Variants in ARNT2 observed in about 807,000 individuals in gnomAD.
ARNT2 encodes the protein aryl hydrocarbon receptor nuclear translocator 2.
Under a neutral mutation model 91.7 loss-of-function variants are expected in ARNT2, and 36 were observed. The observed-to-expected ratio is 0.39, with a 90% CI of 0.30 to 0.52. The LOEUF is 0.52. ARNT2 is among the 20% of genes least tolerant of loss of function. ARNT2 has a pLI of 0.72. For synonymous variants in ARNT2, 365 were observed against 347.1 expected (o/e 1.05, Z -0.57); for missense variants, 775 against 939.3 (o/e 0.83, Z 2.29).
At chr15:80,518,102 C>A (rs1595994907) in intron 8 of ARNT2, among the ~76,000 whole-genome samples, 1 of 151,932 alleles carries the variant, frequency 6.6e-6, no homozygotes, top group East Asian at 1.9e-4. Flanking sequence ...ATAATAGGAA[C>A]TGAGGTAACT....
At chr15:80,469,507 AAT>A (rs1382022712) in intron 3 of ARNT2, among the ~76,000 whole-genome samples, 1 of 150,416 alleles carries the variant, frequency 6.6e-6, no homozygotes, top group Non-Finnish European at 1.5e-5. Flanking sequence ...TATTATTTAT[AAT>A]ATATTACATA....
At chr15:80,505,067 A>G (rs1897255086) in intron 5 of ARNT2, among the ~76,000 whole-genome samples, 1 of 152,182 alleles carries the variant, frequency 6.6e-6, no homozygotes, top group Non-Finnish European at 1.5e-5. Flanking sequence ...CGATCATTTG[A>G]TCTAAGCCTG....
At chr15:80,457,628 A>G (rs1896499323) in intron 2 of ARNT2, among the ~76,000 whole-genome samples, 1 of 152,208 alleles carries the variant, frequency 6.6e-6, no homozygotes, top group South Asian at 2.1e-4. Flanking sequence ...AGAGCAATCC[A>G]TTGTCTGCTA....
At chr15:80,508,020 C>A in intron 5 of ARNT2, 136 bp from the exon 6 acceptor site, 1 of 748,884 alleles carries the variant, frequency 1.3e-6, no homozygotes, top group Non-Finnish European at 2.2e-6. Flanking sequence ...GTTGGGAATT[C>A]CAAGACACAA....
intron 5 of ARNT2, among the ~76,000 whole-genome samples, chr15:80,505,886 G>A (rs1897265105): frequency 2.7e-5 from 4 of 150,056 alleles, no homozygotes. Context: ...TCCAAGAGAG[G>A]TCTGGCTGTG....
At chr15:80,589,365 T>C (rs1753336875) in intron 17 of ARNT2, among the ~76,000 whole-genome samples, 1 of 151,984 alleles carries the variant, frequency 6.6e-6, no homozygotes, top group Non-Finnish European at 1.5e-5. Context: ...GGGGTGGCTG[T>C]AAATGTTGAT....
At chr15:80,447,083 C>A (rs1595966673) in intron 1 of ARNT2, among the ~76,000 whole-genome samples, 1 of 152,064 alleles carries the variant, frequency 6.6e-6, no homozygotes, top group Non-Finnish European at 1.5e-5. Context: ...ACAGGAATAG[C>A]CAAGTTTAAC....
chr15:80,511,099 C>T (rs1005668443), intron 6 of ARNT2, among the ~76,000 whole-genome samples: 1 of 152,032 alleles, frequency 6.6e-6, no homozygotes, highest in Non-Finnish European at 1.5e-5. Flanking sequence ...CAGCACTATT[C>T]ACAATAGCAA....
chr15:80,493,214 A>C (rs1408073346), intron 5 of ARNT2, among the ~76,000 whole-genome samples: 1 of 152,190 alleles, frequency 6.6e-6, no homozygotes, highest in Non-Finnish European at 1.5e-5. Flanking sequence ...ACATTAAACT[A>C]TTCATGAGGG....
At chr15:80,496,302 C>G (rs1897125747) in intron 5 of ARNT2, among the ~76,000 whole-genome samples, 1 of 152,192 alleles carries the variant, frequency 6.6e-6, no homozygotes, top group Admixed American at 6.5e-5. Flanking sequence ...GCACCCTTCT[C>G]CCTGCTCCCA....
intron 8 of ARNT2, among the ~76,000 whole-genome samples, chr15:80,533,652 G>C (rs757144870): frequency 6.6e-6 from 1 of 152,242 alleles, no homozygotes; most frequent in Non-Finnish European, 1.5e-5. Context: ...ACAACTGAAA[G>C]TTGAAAATAA....
intron 6 of ARNT2, among the ~76,000 whole-genome samples, chr15:80,509,590 G>A (rs1897315907): frequency 6.6e-6 from 1 of 152,178 alleles, no homozygotes; most frequent in Non-Finnish European, 1.5e-5. Flanking sequence ...GAGTGCTATG[G>A]AGGAAACATA....
intron 5 of ARNT2, among the ~76,000 whole-genome samples, chr15:80,501,468 G>T (rs923953592): frequency 2.6e-5 from 4 of 152,226 alleles, no homozygotes; most frequent in African/African-American, 9.6e-5. Context: ...TTCACTTAAA[G>T]TGTTCGTGTG....
chr15:80,470,118 C>T, intron 3 of ARNT2, 100 bp from the exon 4 acceptor site: 1 of 1,248,126 alleles, frequency 8.0e-7, no homozygotes, highest in Non-Finnish European at 1.1e-6. Flanking sequence ...CCCCTAGTTC[C>T]TGGTCATTTG....
intron 1 of ARNT2, among the ~76,000 whole-genome samples, chr15:80,442,576 A>G (rs1165735850): frequency 6.6e-6 from 1 of 152,252 alleles, no homozygotes; most frequent in Non-Finnish European, 1.5e-5. Context: ...CCTCTGCAAA[A>G]GGAAATAATG....
chr15:80,446,233 C>T (rs1896301977), intron 1 of ARNT2, among the ~76,000 whole-genome samples: 1 of 152,080 alleles, frequency 6.6e-6, no homozygotes, highest in Non-Finnish European at 1.5e-5. Context: ...AAAAGACGTT[C>T]TGTGCTAGGC....
chr15:80,430,391 T>C (rs187903399), intron 1 of ARNT2, among the ~76,000 whole-genome samples: 112 of 152,318 alleles, frequency 7.4e-4, no homozygotes, highest in Non-Finnish European at 2.8e-4. Flanking sequence ...AGATCATCTA[T>C]GTGTCATTTA....
chr15:80,413,097 T>A (rs924405353), intron 1 of ARNT2, among the ~76,000 whole-genome samples: 2 of 152,268 alleles, frequency 1.3e-5, no homozygotes, highest in South Asian at 2.1e-4. Context: ...AATTAACTGC[T>A]GTTAGGGTAA....
At chr15:80,544,435 A>T (rs1215169975) in intron 8 of ARNT2, among the ~76,000 whole-genome samples, 1 of 152,042 alleles carries the variant, frequency 6.6e-6, no homozygotes, top group Non-Finnish European at 1.5e-5. Context: ...TGTCTTCTAA[A>T]CCATCATTTC....
Sources: allele counts gnomAD v4.1 joint callset (sites outside exome capture counted in the v4.1 genomes callset), GRCh38; gene constraint gnomAD v4.1.1; transcripts MANE v1.5; gene names NCBI Gene and HGNC (gene_info 2026-07-23, HGNC 2026-07-21).